WARS2: variants seen among roughly 807,000 people sequenced by gnomAD.
WARS2 encodes the protein tryptophanyl tRNA synthetase 2, mitochondrial, also known as tryptophan--tRNA ligase, mitochondrial.
Under a neutral mutation model 36.5 loss-of-function variants are expected in WARS2, and 28 were observed. The ratio of observed to expected loss-of-function variants is 0.77; its 90% confidence interval spans 0.57 to 1.05. The LOEUF (loss-of-function observed/expected upper bound fraction) is 1.05. WARS2 is among the 50% of genes least tolerant of loss of function. WARS2 has a pLI of 0.00. For synonymous variants in WARS2, 174 were observed against 178.4 expected, an observed-to-expected ratio of 0.98 and a Z score of 0.20; for missense variants, 435 against 456.8, an observed-to-expected ratio of 0.95 and a Z score of 0.44.
At chr1:119,084,423 G>T (rs2101368939) in intron 1 of WARS2, among the ~76,000 whole-genome samples, 1 of 152,206 alleles carries the variant, frequency 6.6e-6, no homozygotes, top group Middle Eastern at 3.4e-3. Context: ...CTTTAAAATG[G>T]TTAACTTTAT....
chr1:119,093,745 A>G (rs1165913464), intron 1 of WARS2, among the ~76,000 whole-genome samples: 1 of 152,152 alleles, frequency 6.6e-6, no homozygotes, highest in Non-Finnish European at 1.5e-5. Context: ...TAGGCCACCC[A>G]GTTTGTGGTA....
intron 4 of WARS2, among the ~76,000 whole-genome samples, chr1:119,036,265 A>T (rs904413125): frequency 1.3e-5 from 2 of 152,196 alleles, no homozygotes; most frequent in Non-Finnish European, 2.9e-5. Flanking sequence ...CTACAGAATA[A>T]CTATTAGGGC....
intron 2 of WARS2, among the ~76,000 whole-genome samples, chr1:119,052,359 T>C (rs1649439532): frequency 6.6e-6 from 1 of 152,222 alleles, no homozygotes; most frequent in Non-Finnish European, 1.5e-5. Context: ...CATTTATTGC[T>C]TCCTCTTGGA....
At chr1:119,124,042 A>G (rs1313788676) in intron 1 of WARS2, among the ~76,000 whole-genome samples, 1 of 152,166 alleles carries the variant, frequency 6.6e-6, no homozygotes, top group Non-Finnish European at 1.5e-5. Context: ...CTTCCCTCCC[A>G]AAATCGTGTT....
intron 5 of WARS2, 121 bp downstream of exon 5, chr1:119,033,974 G>C (rs1647665064): frequency 1.3e-6 from 1 of 756,080 alleles, no homozygotes; most frequent in Non-Finnish European, 2.2e-6. Flanking sequence ...TCTAGTTACA[G>C]ATCCTGAAGC....
At chr1:119,067,921 A>T (rs1299106854) in intron 2 of WARS2, among the ~76,000 whole-genome samples, 2 of 152,176 alleles carry the variant, frequency 1.3e-5, no homozygotes, top group African/African-American at 2.4e-5. Flanking sequence ...CAAGTACTGC[A>T]GCTTGTTCAT....
At chr1:119,114,682 T>G (rs879325752) in intron 1 of WARS2, among the ~76,000 whole-genome samples, 1 of 152,190 alleles carries the variant, frequency 6.6e-6, no homozygotes, top group Middle Eastern at 3.2e-3. Flanking sequence ...AAAAGTAATT[T>G]TCATGGGTAG....
chr1:119,100,999 A>T (rs1334948130), intron 1 of WARS2, among the ~76,000 whole-genome samples: 1 of 152,210 alleles, frequency 6.6e-6, no homozygotes. Flanking sequence ...TGTAGGAGCT[A>T]AAATATTTGA....
At chr1:119,095,129 C>T (rs1208314736) in intron 1 of WARS2, among the ~76,000 whole-genome samples, 1 of 151,914 alleles carries the variant, frequency 6.6e-6, no homozygotes, top group East Asian at 1.9e-4. Flanking sequence ...TATTTAATTC[C>T]CTGTTAACAC....
chr1:119,083,366 G>C (rs1014002509), intron 1 of WARS2, among the ~76,000 whole-genome samples: 1 of 152,208 alleles, frequency 6.6e-6, no homozygotes, highest in Non-Finnish European at 1.5e-5. Context: ...TGAAAACAGA[G>C]AGCGGCCCTC....
At chr1:119,058,964 G>C (rs1650123497) in intron 2 of WARS2, among the ~76,000 whole-genome samples, 1 of 151,996 alleles carries the variant, frequency 6.6e-6, no homozygotes, top group Non-Finnish European at 1.5e-5. Flanking sequence ...ATCCTCTCCA[G>C]GACCTGTTGT....
At chr1:119,048,932 G>A (rs1011160473) in intron 2 of WARS2, among the ~76,000 whole-genome samples, 1 of 152,024 alleles carries the variant, frequency 6.6e-6, no homozygotes, top group Non-Finnish European at 1.5e-5. Context: ...GTATGATGGC[G>A]GGTGCCTGTA....
chr1:119,037,117 T>C (rs1019646787), intron 4 of WARS2, among the ~76,000 whole-genome samples: 1 of 152,198 alleles, frequency 6.6e-6, no homozygotes, highest in African/African-American at 2.4e-5. Flanking sequence ...GATATCCCTT[T>C]TAATGTGTCT....
chr1:119,076,445 G>C lies in WARS2; in HGVS notation c.253C>G (p.Pro85Ala). The change falls in exon 2 of 6, where the codon CCA becomes GCA. Residue 85 changes from proline to alanine, a missense_variant. By Grantham distance (27) the Pro-to-Ala change is conservative (BLOSUM62 -1). Transcript: ENST00000235521. ...DLHSITVPQD[P>A]AVLRQSILDM... ...AGGATGCTCTGCCGAAGGACAGCTG[G>C]GTCTTGGGGGACAGTAATGGAGTGG... The C allele has an allele frequency of 6.2e-7, 1 of 1,614,148 alleles. No individual in the cohort carries two copies. Among genetic ancestry groups the C allele is most frequent in the Non-Finnish European group, 8.5e-7 (1 of 1,180,012 alleles).
chr1:119,106,330 C>A (rs1394246531), intron 1 of WARS2, among the ~76,000 whole-genome samples: 1 of 152,104 alleles, frequency 6.6e-6, no homozygotes, highest in Non-Finnish European at 1.5e-5. Context: ...ACCCAAACTC[C>A]ACAGTTTACA....
intron 2 of WARS2, among the ~76,000 whole-genome samples, chr1:119,050,503 A>G (rs968469444): frequency 1.3e-5 from 2 of 152,226 alleles, no homozygotes; most frequent in Non-Finnish European, 2.9e-5. Flanking sequence ...ATATCATGCT[A>G]TAGTACCTAG....
intron 1 of WARS2, among the ~76,000 whole-genome samples, chr1:119,136,844 G>A (rs938001209): frequency 4.6e-5 from 7 of 152,198 alleles, no homozygotes; most frequent in African/African-American, 1.7e-4. Context: ...CTTCACGTTT[G>A]AAATAAGGTG....
At chr1:119,107,671 AAGAGAGAG>A (rs61528583) in intron 1 of WARS2, among the ~76,000 whole-genome samples, 25 of 149,778 alleles carry the variant, frequency 1.7e-4, no homozygotes, top group East Asian at 5.9e-4. Context: ...TAGAAAAAGA[AAGAGAGAG>A]AGAGAGAGAG....
intron 1 of WARS2, among the ~76,000 whole-genome samples, chr1:119,095,096 T>C (rs1165505127): frequency 1.3e-5 from 2 of 152,056 alleles, no homozygotes; most frequent in Non-Finnish European, 2.9e-5. Context: ...ATAGGGAAGG[T>C]GAAATGAGTA....
Sources: allele counts gnomAD v4.1 joint callset (sites outside exome capture counted in the v4.1 genomes callset), GRCh38; gene constraint gnomAD v4.1.1; transcripts MANE v1.5; gene names NCBI Gene and HGNC (gene_info 2026-07-23, HGNC 2026-07-21).